The following UHMK1 variants were observed in gnomAD, a reference collection of about 807,000 sequenced individuals.
UHMK1 encodes the protein U2AF homology motif kinase 1.
Under a neutral mutation model 44.0 loss-of-function variants are expected in UHMK1, and 18 were observed. The observed-to-expected ratio is 0.41, with a 90% CI of 0.28 to 0.61. UHMK1 has a LOEUF of 0.61. Among genes scored for constraint, UHMK1 ranks in the 20% least tolerant of loss-of-function variants. UHMK1 has a pLI of 0.31. For missense variants in UHMK1, 463 were observed against 522.5 expected, an observed-to-expected ratio of 0.89 and a Z score of 1.11; for synonymous variants, 231 against 198.5, an observed-to-expected ratio of 1.16 and a Z score of -1.38.
chr1:162,526,289 T>A lies in UHMK1; in HGVS notation c.*3739T>A, dbSNP rs1652248799. The A allele has an allele frequency of 6.8e-6, 1 of 146,936 alleles. No individual in the cohort carries two copies. The highest frequency in any genetic ancestry group is 1.5e-5 in the Non-Finnish European group (1 of 66,622). 9.1% of individuals were successfully genotyped at this position (146,936 alleles called of 1,614,324 possible). A position where few individuals can be genotyped will look rare whatever the true frequency, so the allele number is the denominator to read the frequency against. ...TGGCAGCATGACTTTTTTTTTTTTTTACAGTTAATTTAATGAAAATCAGCA... is the reference window on the plus strand; with the variant it reads ...TGGCAGCATGACTTTTTTTTTTTTTAACAGTTAATTTAATGAAAATCAGCA... On this transcript the variant is annotated 3_prime_UTR_variant, in exon 8 of 8. Coordinates refer to ENST00000489294, the MANE Select transcript of UHMK1 (RefSeq NM_175866.5).
intron 2 of UHMK1, 112 bp from the exon 3 acceptor site, chr1:162,500,800 CA>C: frequency 1.9e-6 from 2 of 1,044,838 alleles, no homozygotes. Flanking sequence ...AAATTTTTAG[CA>C]TTTAGCTTGG....
chr1:162,507,714 G>C (rs1045570957), intron 4 of UHMK1, among the ~76,000 whole-genome samples: 2 of 151,164 alleles, frequency 1.3e-5, no homozygotes, highest in Admixed American at 6.6e-5. Context: ...AGCCTCCCGA[G>C]TAGCTGGGAC....
intron 4 of UHMK1, among the ~76,000 whole-genome samples, chr1:162,509,143 A>C (rs1215958359): frequency 1.3e-5 from 2 of 152,226 alleles, no homozygotes; most frequent in Non-Finnish European, 2.9e-5. Context: ...CTAAACTTAA[A>C]GAAAATATAC....
chr1:162,502,409 T>TG (rs1404959925), intron 3 of UHMK1, among the ~76,000 whole-genome samples: 6 of 152,246 alleles, frequency 3.9e-5, no homozygotes, highest in Non-Finnish European at 7.3e-5. Flanking sequence ...GATGCTTTTA[T>TG]GGGTAAAAAT....
At position 162,528,824 on chromosome 1, in the gene UHMK1, A is replaced by G. The variant is rs1230028647; in HGVS notation, c.*6274A>G. ...CCTTTATAACTTCTTAACAGTGTCA[A>G]AACTGGGGTAGAAGGGATTTTATTT... is the stretch of plus-strand genomic sequence containing the variant. On this transcript the variant is annotated 3_prime_UTR_variant, in exon 8 of 8. Transcript: ENST00000489294. 1 of 152,118 alleles carries G rather than the reference A, an allele frequency of 6.6e-6. No homozygotes were observed. The highest frequency in any genetic ancestry group is 2.4e-5 in the African/African-American group (1 of 41,444). The allele number at this position is 152,118 out of a possible 1,614,324, so 9.4% of individuals were successfully genotyped here. A position where few individuals can be genotyped will look rare whatever the true frequency, so the allele number is the denominator to read the frequency against.
intron 6 of UHMK1, 43 bp downstream of exon 6, chr1:162,512,866 TAAGTC>T: frequency 6.4e-7 from 1 of 1,550,856 alleles, no homozygotes; most frequent in Non-Finnish European, 8.9e-7. Flanking sequence ...CTTTCTTAAA[TAAGTC>T]TAGAATAAAC....
intron 1 of UHMK1, among the ~76,000 whole-genome samples, chr1:162,499,643 T>C (rs1202519144): frequency 6.6e-6 from 1 of 152,230 alleles, no homozygotes; most frequent in African/African-American, 2.4e-5. Flanking sequence ...TTTTTACTTT[T>C]AATCATTTTT....
intron 7 of UHMK1, among the ~76,000 whole-genome samples, chr1:162,520,434 AG>A (rs1223093160): frequency 3.9e-5 from 6 of 152,296 alleles, no homozygotes; most frequent in African/African-American, 1.2e-4. Flanking sequence ...CCATTGTAAA[AG>A]TGGTCAAATC....
chr1:162,506,525 C>T (rs1261096069), intron 4 of UHMK1, among the ~76,000 whole-genome samples: 2 of 152,158 alleles, frequency 1.3e-5, no homozygotes, highest in Non-Finnish European at 2.9e-5. Flanking sequence ...CTTTTCCTGT[C>T]ACCCTGGAAG....
chr1:162,511,517 G>T (rs1571012535), intron 4 of UHMK1, among the ~76,000 whole-genome samples: 1 of 152,094 alleles, frequency 6.6e-6, no homozygotes, highest in South Asian at 2.1e-4. Flanking sequence ...CAGATGTATA[G>T]TTGGTAAATA....
At chr1:162,506,426 A>G (rs903229067) in intron 4 of UHMK1, among the ~76,000 whole-genome samples, 2 of 152,134 alleles carry the variant, frequency 1.3e-5, no homozygotes, top group African/African-American at 4.8e-5. Flanking sequence ...AAGCACAGAC[A>G]CTAAAAACAC....
At chr1:162,503,995 A>G (rs1651376569) in intron 4 of UHMK1, 147 bp downstream of exon 4, 2 of 654,832 alleles carry the variant, frequency 3.1e-6, no homozygotes, top group Admixed American at 3.2e-5. Context: ...TTTTCAAAGG[A>G]ATGCTCTTTT....
Position 162,501,093 on chromosome 1 carries a change from C to A in UHMK1, c.742C>A (p.Gln248Lys), listed in dbSNP as rs376127632. The A allele has an allele frequency of 3.7e-6, 6 of 1,613,726 alleles. No individual in the cohort carries two copies. The African/African-American group carries it at 8.0e-5, about 22-fold the overall frequency. Reference sequence around the variant, plus strand: ...GAAACTGAAACATACAGTCAGATCTCAGGAATGGAAGGTAAACTTCACCAG... The same window carrying A: ...GAAACTGAAACATACAGTCAGATCTAAGGAATGGAAGGTAAACTTCACCAG... ...GMKLKHTVRS[Q>K]EWKANSSAII... The change falls in exon 3 of 8, where the codon CAG becomes AAG. Residue 248 changes from glutamine to lysine, a missense_variant. By Grantham distance (53) the Gln-to-Lys change is moderately conservative. Coordinates refer to ENST00000489294, the MANE Select transcript of UHMK1 (RefSeq NM_175866.5).
rs1651115664 is a variant in UHMK1 at position 162,498,013 on chromosome 1, G to C, written c.13G>C (p.Gly5Arg). 3 of 1,587,504 alleles carry C rather than the reference G, an allele frequency of 1.9e-6. No individual in the cohort carries two copies. The highest frequency in any genetic ancestry group is 2.6e-6 in the Non-Finnish European group (3 of 1,165,052). Reference protein sequence around the residue: MAGSGCAWGAEPPRF... With the variant: MAGSRCAWGAEPPRF... ...TTAACCCACACCGATGGCGGGATCCGGCTGCGCCTGGGGCGCGGAGCCGCC... is the reference window on the plus strand; with the variant it reads ...TTAACCCACACCGATGGCGGGATCCCGCTGCGCCTGGGGCGCGGAGCCGCC... The change falls in exon 1 of 8, where the codon GGC (glycine) becomes CGC (arginine). Residue 5 changes from glycine (G) to arginine (R), a missense_variant. Physicochemically the swap from Gly to Arg is moderately radical, Grantham distance 125 (BLOSUM62 -2). Transcript: ENST00000489294.
At chr1:162,519,780 A>T (rs1446210319) in intron 7 of UHMK1, among the ~76,000 whole-genome samples, 1 of 152,170 alleles carries the variant, frequency 6.6e-6, no homozygotes, top group East Asian at 1.9e-4. Context: ...TGTCCTCTAC[A>T]CTATAGAACG....
chr1:162,517,765 G>T (rs1651883480), intron 6 of UHMK1, among the ~76,000 whole-genome samples: 1 of 151,812 alleles, frequency 6.6e-6, no homozygotes, highest in Non-Finnish European at 1.5e-5. Flanking sequence ...CACGCCTGTA[G>T]TCCCAGCTAC....
upstream of UHMK1, chr1:162,497,382 A>T: frequency 3.0e-6 from 2 of 663,710 alleles, no homozygotes; most frequent in South Asian, 3.2e-5. Context: ...GTCCATTCCG[A>T]TGGTTGGCGA....
At chr1:162,510,281 C>T (rs1651621098) in intron 4 of UHMK1, among the ~76,000 whole-genome samples, 3 of 152,168 alleles carry the variant, frequency 2.0e-5, no homozygotes, top group Admixed American at 2.0e-4. Flanking sequence ...ACTAGAATCA[C>T]CATGTTGTGC....
At chr1:162,515,115 A>G (rs967707707) in intron 6 of UHMK1, among the ~76,000 whole-genome samples, 1 of 151,960 alleles carries the variant, frequency 6.6e-6, no homozygotes, top group Non-Finnish European at 1.5e-5. Flanking sequence ...TATCAGTTTT[A>G]TGTCCTCTTA....
Sources: gnomAD v4.1 joint callset for allele counts (sites outside exome capture counted in the v4.1 genomes callset) on GRCh38, gnomAD v4.1.1 for gene constraint, MANE v1.5 for transcripts, NCBI Gene and HGNC (gene_info 2026-07-23, HGNC 2026-07-21) for gene names.